The following MSH3 variants were observed in gnomAD, a reference collection of about 807,000 sequenced individuals.
MSH3 encodes the protein DNA mismatch repair protein Msh3.
A neutral mutation model predicts 123.3 loss-of-function variants in MSH3; 106 were observed. The ratio of observed to expected loss-of-function variants is 0.86; its 90% confidence interval spans 0.73 to 1.01. MSH3 has a LOEUF of 1.01. Ranked by LOEUF, MSH3 falls within the 50% of genes least tolerant of loss-of-function variation. MSH3 has a pLI of 0.00. For missense variants in MSH3, 1,459 were observed against 1,347.6 expected, an observed-to-expected ratio of 1.08 and a Z score of -1.29; for synonymous variants, 515 against 481.4, an observed-to-expected ratio of 1.07 and a Z score of -0.91.
rs935344239 is a variant in MSH3, at chr5:80,709,646, A to C, written c.1341-15807A>C. ...AACTCCGTCTCAAAAAAAGAAAAAA[A>C]GAGTTTTTAACAACTTTTGTTAATT... is the stretch of plus-strand genomic sequence containing the variant. On this transcript the variant is annotated intron_variant, in intron 8 of 23. Transcript: ENST00000265081. Among the ~76,000 whole-genome samples, 3 of 152,236 alleles carry C rather than the reference A, an allele frequency of 2.0e-5. No individual in the cohort carries two copies. The East Asian group carries it at 5.8e-4, about 29-fold the overall frequency.
intron 20 of MSH3, among the ~76,000 whole-genome samples, chr5:80,840,643 C>T (rs535047765): frequency 3.3e-5 from 5 of 152,144 alleles, no homozygotes; most frequent in East Asian, 1.9e-4. Flanking sequence ...ATGTGCACAA[C>T]GTACAGGTTT....
chr5:80,774,893 A>G (rs1580041247), intron 15 of MSH3, among the ~76,000 whole-genome samples: 1 of 152,172 alleles, frequency 6.6e-6, no homozygotes, highest in Non-Finnish European at 1.5e-5. Context: ...AAAACCTAGT[A>G]TTGATAACAT....
At chr5:80,712,611 T>C (rs1037055359) in intron 8 of MSH3, among the ~76,000 whole-genome samples, 2 of 152,184 alleles carry the variant, frequency 1.3e-5, no homozygotes, top group African/African-American at 4.8e-5. Context: ...TTTTCCCCTC[T>C]GTGATCCAAT....
chr5:80,875,008 G>A (rs1746280793), intron 23 of MSH3, among the ~76,000 whole-genome samples: 1 of 152,098 alleles, frequency 6.6e-6, no homozygotes, highest in Non-Finnish European at 1.5e-5. Context: ...CTGCATCTTG[G>A]GCCTTACTGT....
chr5:80,820,839 G>C (rs998830570), intron 20 of MSH3, among the ~76,000 whole-genome samples: 10 of 152,184 alleles, frequency 6.6e-5, no homozygotes, highest in Admixed American at 2.6e-4. Flanking sequence ...AGTCTGTCCT[G>C]ACAACACTCT....
At chr5:80,726,718 C>T (rs1041855849) in intron 9 of MSH3, among the ~76,000 whole-genome samples, 2 of 152,154 alleles carry the variant, frequency 1.3e-5, no homozygotes, top group Non-Finnish European at 2.9e-5. Flanking sequence ...ATCCTCCCAC[C>T]TCAGTCTGCC....
At chr5:80,680,013 G>A (rs148088131) in intron 8 of MSH3, among the ~76,000 whole-genome samples, 1,743 of 152,108 alleles carry the variant, frequency 0.011, 13 homozygotes, top group South Asian at 0.045. Flanking sequence ...TGTAATCCTA[G>A]CACTTTGGGA....
chr5:80,791,709 G>A (rs1001694841), intron 18 of MSH3, among the ~76,000 whole-genome samples: 1 of 152,074 alleles, frequency 6.6e-6, no homozygotes, highest in Non-Finnish European at 1.5e-5. Flanking sequence ...TCTATTTTTT[G>A]TGTGTGTACT....
intron 8 of MSH3, among the ~76,000 whole-genome samples, chr5:80,681,290 A>C (rs1749963409): frequency 6.6e-6 from 1 of 152,110 alleles, no homozygotes; most frequent in Non-Finnish European, 1.5e-5. Context: ...AATTAATAAA[A>C]TCTGGAAAAA....
intron 20 of MSH3, among the ~76,000 whole-genome samples, chr5:80,850,592 C>T (rs1006404951): frequency 1.3e-5 from 2 of 152,106 alleles, no homozygotes; most frequent in African/African-American, 4.8e-5. Context: ...TTTTTAAAAC[C>T]ATCAGATTTC....
chr5:80,748,329 G>C (rs1743758231), intron 12 of MSH3, among the ~76,000 whole-genome samples: 1 of 152,090 alleles, frequency 6.6e-6, no homozygotes, highest in Admixed American at 6.5e-5. Context: ...CTATAAAATG[G>C]TCTCTTTGGT....
intron 8 of MSH3, among the ~76,000 whole-genome samples, chr5:80,688,779 C>G (rs1385061921): frequency 6.7e-6 from 1 of 149,998 alleles, no homozygotes; most frequent in Non-Finnish European, 1.5e-5. Flanking sequence ...GTAAAAGAAA[C>G]AACAGGTCTT....
At chr5:80,796,843 G>GCTCC (rs144398908) in intron 19 of MSH3, among the ~76,000 whole-genome samples, 17,469 of 151,924 alleles carry the variant, frequency 0.11, 1,046 homozygotes, top group South Asian at 0.15. Flanking sequence ...CACCGCTGGA[G>GCTCC]CTCCCTCCTC....
chr5:80,687,847 A>G (rs1750127435), intron 8 of MSH3, among the ~76,000 whole-genome samples: 1 of 152,278 alleles, frequency 6.6e-6, no homozygotes, highest in South Asian at 2.1e-4. Context: ...GTTGAATTTT[A>G]AAAATAAATA....
chr5:80,662,264 T>A (rs995055486), intron 2 of MSH3, among the ~76,000 whole-genome samples: 1 of 152,216 alleles, frequency 6.6e-6, no homozygotes, highest in African/African-American at 2.4e-5. Context: ...TGTAGGAGGC[T>A]ATACCATCAT....
intron 22 of MSH3, among the ~76,000 whole-genome samples, chr5:80,869,815 T>C (rs1032598179): frequency 3.5e-5 from 3 of 85,388 alleles, no homozygotes; most frequent in African/African-American, 1.5e-4. Flanking sequence ...CATATATACA[T>C]ATATATATAC....
At chr5:80,806,167 C>T (rs571042578) in intron 19 of MSH3, among the ~76,000 whole-genome samples, 30 of 152,212 alleles carry the variant, frequency 2.0e-4, no homozygotes, top group Non-Finnish European at 2.9e-4. Context: ...GGCGCGATCT[C>T]GGCTCACAGC....
intron 6 of MSH3, among the ~76,000 whole-genome samples, chr5:80,673,279 A>G (rs1165901812): frequency 1.3e-5 from 2 of 152,188 alleles, no homozygotes; most frequent in Non-Finnish European, 2.9e-5. Flanking sequence ...CTTTAATCCC[A>G]GCACTTTGGG....
chr5:80,849,208 C>T (rs1745782520), intron 20 of MSH3, among the ~76,000 whole-genome samples: 3 of 152,156 alleles, frequency 2.0e-5, no homozygotes, highest in Non-Finnish European at 4.4e-5. Flanking sequence ...TCTTGGGCAC[C>T]TCCTCCCCTG....
Sources: gnomAD v4.1 joint callset for allele counts (sites outside exome capture counted in the v4.1 genomes callset) on GRCh38, gnomAD v4.1.1 for gene constraint, MANE v1.5 for transcripts, NCBI Gene and HGNC (gene_info 2026-07-23, HGNC 2026-07-21) for gene names.